LUC7L: variants seen among roughly 807,000 people sequenced by gnomAD.
LUC7L encodes the protein LUC7 like, also known as putative RNA-binding protein Luc7-like 1.
A neutral mutation model predicts 51.1 loss-of-function variants in LUC7L; 29 were observed. That is an observed-to-expected ratio of 0.57 (90% CI 0.42 to 0.77). LUC7L has a LOEUF of 0.77. LUC7L is among the 30% of genes least tolerant of loss of function. LUC7L has a pLI of 0.00. For synonymous variants in LUC7L, 181 were observed against 180.7 expected (o/e 1.00, Z -0.01); for missense variants, 403 against 511.9 (o/e 0.79, Z 2.05).
chr16:228,882 C>T lies in LUC7L; in HGVS notation c.61+397G>A, dbSNP rs995067626. The stretch of plus-strand genomic sequence containing the variant: ...GCCCATCCGGCTCCCTCGGGTGTAG[C>T]TTCTTCCCAAGGAGCCTCGGAAGAG... On this transcript the variant is annotated intron_variant, in intron 1 of 9. Coordinates refer to ENST00000293872, the MANE Select transcript of LUC7L (RefSeq NM_201412.3). The T allele has an allele frequency of 5.3e-6, 7 of 1,321,116 alleles. No individual in the cohort carries two copies. The African/African-American group carries it at 9.0e-5, about 17-fold the overall frequency. The allele number at this position is 1,321,116 out of a possible 1,614,324, so 81.8% of individuals were successfully genotyped here.
At chr16:194,634 G>C (rs2049102488) in intron 6 of LUC7L, among the ~76,000 whole-genome samples, 1 of 152,188 alleles carries the variant, frequency 6.6e-6, no homozygotes, top group Admixed American at 6.6e-5. Flanking sequence ...TGCTACGCTG[G>C]CTTTAGAACA....
intron 6 of LUC7L, among the ~76,000 whole-genome samples, chr16:198,347 T>C (rs950514185): frequency 6.6e-6 from 1 of 151,186 alleles, no homozygotes; most frequent in African/African-American, 2.4e-5. Flanking sequence ...GAACAGAGGT[T>C]TTCTCTGGGC....
chr16:227,412 A>AC, intron 1 of LUC7L, 76 bp from the exon 2 acceptor site: 1 of 1,531,104 alleles, frequency 6.5e-7, no homozygotes, highest in Non-Finnish European at 8.8e-7. Flanking sequence ...ATAACAATTC[A>AC]CCTGGATGAT....
At chr16:224,593 G>A (rs769539736) in intron 2 of LUC7L, among the ~76,000 whole-genome samples, 45 of 152,056 alleles carry the variant, frequency 3.0e-4, no homozygotes, top group Non-Finnish European at 5.0e-4. Context: ...ACTTTGGGAG[G>A]CAGAGGTGGG....
intron 6 of LUC7L, among the ~76,000 whole-genome samples, chr16:198,711 G>C (rs1290455584): frequency 6.6e-6 from 1 of 151,672 alleles, no homozygotes; most frequent in East Asian, 1.9e-4. Flanking sequence ...TTTTGAGATG[G>C]AGTCTTACTC....
intron 5 of LUC7L, among the ~76,000 whole-genome samples, chr16:201,021 T>G (rs140924333): frequency 1.9e-4 from 29 of 151,444 alleles, no homozygotes; most frequent in African/African-American, 7.0e-4. Flanking sequence ...TACAAAAAAA[T>G]TAGCTGGGCA....
intron 5 of LUC7L, among the ~76,000 whole-genome samples, chr16:205,780 C>T (rs1227720501): frequency 2.0e-5 from 3 of 152,094 alleles, no homozygotes; most frequent in African/African-American, 7.2e-5. Flanking sequence ...TTAGTAGAGA[C>T]GGGGATTCGC....
intron 8 of LUC7L, 121 bp from the exon 9 acceptor site, chr16:190,256 T>A: frequency 1.1e-6 from 1 of 920,656 alleles, no homozygotes; most frequent in Non-Finnish European, 1.6e-6. Flanking sequence ...CCCACAAATT[T>A]AGGTTTAAAA....
At chr16:193,806 C>CTTT (rs35000773) in intron 6 of LUC7L, among the ~76,000 whole-genome samples, 1 of 139,714 alleles carries the variant, frequency 7.2e-6, no homozygotes, top group African/African-American at 2.7e-5. Context: ...TTTACATTTA[C>CTTT]TTTTTTTTTT....
rs185837446 is a variant in LUC7L at position 203,304 on chromosome 16, G to A, written c.510+2700C>T. On this transcript the variant is annotated intron_variant, in intron 5 of 9. Coordinates refer to ENST00000293872, the MANE Select transcript of LUC7L (RefSeq NM_201412.3). Reference sequence around the variant, plus strand: ...GTGAATTCTACCAAAGCATTAGGGAGCAAATCATGCCAATTCTCTACAATC... The same window carrying A: ...GTGAATTCTACCAAAGCATTAGGGAACAAATCATGCCAATTCTCTACAATC... Among the ~76,000 whole-genome samples, 3 of 152,260 alleles carry A rather than the reference G, an allele frequency of 2.0e-5. No individual in the cohort carries two copies. The East Asian group carries it at 5.8e-4, about 29-fold the overall frequency.
intron 5 of LUC7L, among the ~76,000 whole-genome samples, chr16:201,977 C>G (rs1686269569): frequency 6.6e-6 from 1 of 152,010 alleles, no homozygotes; most frequent in African/African-American, 2.4e-5. Flanking sequence ...CTCCTGACCT[C>G]AGGTGATGCA....
At chr16:204,886 G>A (rs1360012128) in intron 5 of LUC7L, among the ~76,000 whole-genome samples, 1 of 152,106 alleles carries the variant, frequency 6.6e-6, no homozygotes, top group East Asian at 1.9e-4. Context: ...CACTAAACAC[G>A]ATGAAAAACG....
At chr16:191,482 G>T (rs1015660382) in intron 7 of LUC7L, among the ~76,000 whole-genome samples, 1 of 152,098 alleles carries the variant, frequency 6.6e-6, no homozygotes. Flanking sequence ...GCAAAAAATG[G>T]ATTGTGTGTT....
intron 7 of LUC7L, among the ~76,000 whole-genome samples, chr16:191,900 A>G (rs2049019846): frequency 6.6e-6 from 1 of 152,158 alleles, no homozygotes; most frequent in Admixed American, 6.5e-5. Context: ...TTATTTCAGG[A>G]AAAGTGGTTT....
At position 217,493 on chromosome 16, in the gene LUC7L, G is replaced by A. The variant is rs372371760; in HGVS notation, c.255+3156C>T. 2.0e-4 allele frequency among the ~76,000 whole-genome samples: 31 copies of A among 151,896 alleles called. No homozygotes were observed. The East Asian group carries it at 2.3e-3, about 11-fold the overall frequency. Reference sequence around the variant, plus strand: ...AGGCTAAGGCGGGTGGATCACCTGCGGTCAGGAGTTTAAGACCAGCCTGGC... The same window carrying A: ...AGGCTAAGGCGGGTGGATCACCTGCAGTCAGGAGTTTAAGACCAGCCTGGC... On this transcript the variant is annotated intron_variant, in intron 3 of 9. Transcript: ENST00000293872.
At chr16:208,008 C>CA (rs1023184971) in intron 4 of LUC7L, 70 bp downstream of exon 4, 6,474 of 958,198 alleles carry the variant, frequency 6.8e-3, no homozygotes, top group East Asian at 0.01. Flanking sequence ...GACTCCATCT[C>CA]AAAAAAAAAA....
At chr16:228,184 AAT>A (rs1468422596) in intron 1 of LUC7L, 2 of 1,260,524 alleles carry the variant, frequency 1.6e-6, no homozygotes, top group Non-Finnish European at 2.1e-6. Flanking sequence ...CTAGAGGAGG[AAT>A]ATATTTTAGG....
intron 6 of LUC7L, among the ~76,000 whole-genome samples, chr16:193,366 TG>T (rs2049061969): frequency 6.6e-6 from 1 of 151,790 alleles, no homozygotes; most frequent in African/African-American, 2.4e-5. Context: ...AGGATGGTCT[TG>T]ATCTCTTGAC....
chr16:197,347 G>A (rs1041284308), intron 6 of LUC7L, among the ~76,000 whole-genome samples: 1 of 151,280 alleles, frequency 6.6e-6, no homozygotes, highest in African/African-American at 2.4e-5. Flanking sequence ...CGAGTAGCCA[G>A]GATTACAGGC....
Sources: allele counts gnomAD v4.1 joint callset (sites outside exome capture counted in the v4.1 genomes callset), GRCh38; gene constraint gnomAD v4.1.1; transcripts MANE v1.5; gene names NCBI Gene and HGNC (gene_info 2026-07-23, HGNC 2026-07-21).